Variants in BORCS5 observed in about 807,000 individuals in gnomAD.
BORCS5 encodes the protein BLOC-1-related complex subunit 5.
Under a neutral mutation model 22.1 loss-of-function variants are expected in BORCS5, and 17 were observed. The ratio of observed to expected loss-of-function variants is 0.77; its 90% CI spans 0.53 to 1.15. BORCS5 has a LOEUF of 1.15. Ranked by LOEUF, BORCS5 falls within the 50% of genes most tolerant of loss-of-function variation. BORCS5 has a pLI of 0.00. For missense variants in BORCS5, 247 were observed against 253.2 expected (o/e 0.98, Z 0.17); for synonymous variants, 117 against 99.8 (o/e 1.17, Z -1.03).
Position 12,357,518 on chromosome 12 carries a change from C to G in BORCS5, c.58+9C>G. 1 of 1,603,924 alleles carries G rather than the reference C, an allele frequency of 6.2e-7. No homozygotes were observed. Among genetic ancestry groups the G allele is most frequent in the Non-Finnish European group, 8.5e-7 (1 of 1,171,890 alleles). ...CGATCTGAACTCCTCAGGTCGGTGT[C>G]CTAACCTCCCACCCTCCTCCAGCCC... On this transcript the variant is annotated intron_variant, in intron 1 of 3. Transcript: ENST00000314565.
At chr12:12,446,927 T>C (rs1942801388) in intron 3 of BORCS5, among the ~76,000 whole-genome samples, 3 of 152,206 alleles carry the variant, frequency 2.0e-5, no homozygotes, top group African/African-American at 7.2e-5. Context: ...GAGTCATTTA[T>C]ATCAAATGCA....
At chr12:12,384,147 ATTTG>A (rs1863831618) in intron 2 of BORCS5, among the ~76,000 whole-genome samples, 1 of 151,652 alleles carries the variant, frequency 6.6e-6, no homozygotes, top group African/African-American at 2.4e-5. Flanking sequence ...GTATGTATGT[ATTTG>A]TTTGTTTGTT....
intron 3 of BORCS5, among the ~76,000 whole-genome samples, chr12:12,457,551 C>T (rs1265618845): frequency 6.6e-6 from 1 of 152,096 alleles, no homozygotes; most frequent in African/African-American, 2.4e-5. Context: ...CGCCTGTAGT[C>T]CCAGCTACGC....
At chr12:12,373,255 A>G (rs999025551) in intron 2 of BORCS5, among the ~76,000 whole-genome samples, 44 of 152,186 alleles carry the variant, frequency 2.9e-4, no homozygotes, top group African/African-American at 9.9e-4. Context: ...TAGCACCTAA[A>G]TCTTGTACTT....
chr12:12,436,406 C>A (rs948688980), intron 3 of BORCS5, among the ~76,000 whole-genome samples: 1 of 152,206 alleles, frequency 6.6e-6, no homozygotes, highest in Non-Finnish European at 1.5e-5. Flanking sequence ...ATAGGTACTT[C>A]CTTTAAGCAC....
chr12:12,418,185 G>A (rs1244550188), intron 2 of BORCS5, among the ~76,000 whole-genome samples: 1 of 150,258 alleles, frequency 6.7e-6, no homozygotes, highest in Admixed American at 6.6e-5. Context: ...CGCCATGCCT[G>A]GCTAATTTTT....
rs111937438 is a variant in BORCS5, at chr12:12,363,459, G to A, written c.202+2110G>A. ...TACTAAAAATACAAAAAATTAGGCC[G>A]GGCGCAGTGGCTTACGCCTGTAAAA... On this transcript the variant is annotated intron_variant, in intron 2 of 3. Coordinates refer to ENST00000314565, the MANE Select transcript of BORCS5 (RefSeq NM_058169.6). 5.6e-3 allele frequency among the ~76,000 whole-genome samples: 848 copies of A among 152,210 alleles called. 7 individuals are homozygous for A. The highest frequency in any genetic ancestry group is 0.019 in the African/African-American group (794 of 41,524).
Position 12,360,681 on chromosome 12 carries a change from A to G in BORCS5, c.59-525A>G, listed in dbSNP as rs137879538. 6.4e-3 allele frequency among the ~76,000 whole-genome samples: 930 copies of G among 144,876 alleles called. 10 individuals carry two copies. The highest frequency in any genetic ancestry group is 0.022 in the African/African-American group (868 of 38,854). On this transcript the variant is annotated intron_variant, in intron 1 of 3. Transcript: ENST00000314565. Reference sequence around the variant, plus strand: ...CCACTCAGCCTTTCAAAGTGCTGAGATTACAGGCATGAGCCACCACACCCA... The same window carrying G: ...CCACTCAGCCTTTCAAAGTGCTGAGGTTACAGGCATGAGCCACCACACCCA...
At chr12:12,399,269 T>C (rs917156253) in intron 2 of BORCS5, among the ~76,000 whole-genome samples, 1 of 151,994 alleles carries the variant, frequency 6.6e-6, no homozygotes, top group Non-Finnish European at 1.5e-5. Context: ...AACAACAGTA[T>C]TGGGGGAAAA....
chr12:12,358,131 TAC>T (rs1863188931), intron 1 of BORCS5, among the ~76,000 whole-genome samples: 1 of 152,230 alleles, frequency 6.6e-6, no homozygotes, highest in Non-Finnish European at 1.5e-5. Context: ...GTGTTTGCAA[TAC>T]AGTGAGTGTT....
Position 12,395,151 on chromosome 12 carries a change from T to A in BORCS5, c.202+33802T>A, listed in dbSNP as rs142183341. On this transcript the variant is annotated intron_variant, in intron 2 of 3. Transcript: ENST00000314565. ...AAGGAGTTCTGGGCTGGCAAGAGAG[T>A]CTGAGCAAAGTGGGTCTGAATATCC... is the stretch of plus-strand genomic sequence containing the variant. Among the ~76,000 whole-genome samples, 142 of 151,614 alleles carry A rather than the reference T, an allele frequency of 9.4e-4. 1 individual carries two copies. Among genetic ancestry groups the A allele is most frequent in the African/African-American group, 3.3e-3 (137 of 41,212 alleles).
In BORCS5 at chr12:12,370,950, T is replaced by C. The variant is rs143489298; in HGVS notation, c.202+9601T>C. The stretch of plus-strand genomic sequence containing the variant: ...ATTTTTAGCAGAGACGGGATTTCAC[T>C]GTGTTAGCCAGGGTGGTCTCGATCT... On this transcript the variant is annotated intron_variant, in intron 2 of 3. Coordinates refer to ENST00000314565, the MANE Select transcript of BORCS5 (RefSeq NM_058169.6). Among the ~76,000 whole-genome samples the C allele has an allele frequency of 4.7e-3, 720 of 152,224 alleles. 5 individuals carry two copies. The highest frequency in any genetic ancestry group is 0.017 in the African/African-American group (692 of 41,536).
At chr12:12,464,424 C>G (rs931879350) in intron 3 of BORCS5, among the ~76,000 whole-genome samples, 1 of 152,136 alleles carries the variant, frequency 6.6e-6, no homozygotes, top group Admixed American at 6.5e-5. Context: ...TTTTGTGTCT[C>G]TCGAAGCCAT....
intron 2 of BORCS5, among the ~76,000 whole-genome samples, chr12:12,374,278 A>G (rs1009569398): frequency 6.6e-6 from 1 of 151,854 alleles, no homozygotes; most frequent in African/African-American, 2.4e-5. Flanking sequence ...GGTGTGAGCC[A>G]CCGCACCCGG....
intron 2 of BORCS5, among the ~76,000 whole-genome samples, chr12:12,427,202 TG>T (rs67654152): frequency 0.6 from 73,984 of 122,668 alleles, 22,844 homozygotes; most frequent in African/African-American, 0.71. Flanking sequence ...TTTTTTGAGG[TG>T]GGAGTCTCGC....
At chr12:12,464,085 G>C (rs1943157305) in intron 3 of BORCS5, among the ~76,000 whole-genome samples, 1 of 152,194 alleles carries the variant, frequency 6.6e-6, no homozygotes, top group Non-Finnish European at 1.5e-5. Context: ...GTGACTGTCA[G>C]GACCACAGGA....
intron 2 of BORCS5, among the ~76,000 whole-genome samples, chr12:12,405,018 A>G (rs996291070): frequency 7.2e-5 from 11 of 152,218 alleles, no homozygotes; most frequent in Admixed American, 7.2e-4. Flanking sequence ...TACTTTGTGT[A>G]AGTCTACGAG....
intron 2 of BORCS5, among the ~76,000 whole-genome samples, chr12:12,376,235 CTTT>C (rs538292018): frequency 3.7e-5 from 5 of 136,254 alleles, no homozygotes; most frequent in Non-Finnish European, 3.2e-5. Flanking sequence ...GCTCTTCAGT[CTTT>C]TTTTTTTTTT....
intron 2 of BORCS5, among the ~76,000 whole-genome samples, chr12:12,414,097 C>T (rs1487464572): frequency 8.4e-5 from 7 of 82,940 alleles, no homozygotes; most frequent in Middle Eastern, 7.8e-3. Flanking sequence ...GGGCGGCTGG[C>T]CGGGCGGGGG....
Sources: gnomAD v4.1 joint callset for allele counts (sites outside exome capture counted in the v4.1 genomes callset) on GRCh38, gnomAD v4.1.1 for gene constraint, MANE v1.5 for transcripts, NCBI Gene and HGNC (gene_info 2026-07-23, HGNC 2026-07-21) for gene names.